The following OR56A3 variants were observed in gnomAD, a reference collection of about 807,000 sequenced individuals.
The protein encoded by OR56A3 is olfactory receptor 56A3.
A neutral mutation model predicts 17.5 loss-of-function variants in OR56A3; 23 were observed. The ratio of observed to expected loss-of-function variants is 1.32; its 90% CI spans 0.95 to 1.87. The LOEUF is 1.87. OR56A3 is among the 40% of genes most tolerant of loss of function. OR56A3 has a pLI of 0.00. For missense variants in OR56A3, 366 were observed against 380.1 expected, an observed-to-expected ratio of 0.96 and a Z score of 0.31; for synonymous variants, 175 against 150.6, an observed-to-expected ratio of 1.16 and a Z score of -1.19.
chr11:5,959,869 T>A, the OR56A3 span, among the ~76,000 whole-genome samples: 3 of 152,196 alleles, frequency 2.0e-5, no homozygotes, highest in South Asian at 6.2e-4. Flanking sequence ...AGGGTCTAAT[T>A]TGATTCTTCT....
chr11:6,012,078 G>A, the OR56A3 span, among the ~76,000 whole-genome samples: 1 of 152,216 alleles, frequency 6.6e-6, no homozygotes, highest in Non-Finnish European at 1.5e-5. Context: ...CACCTGCAAT[G>A]TGGTGAGCAA....
the OR56A3 span, among the ~76,000 whole-genome samples, chr11:5,962,801 G>A: frequency 6.6e-6 from 1 of 152,156 alleles, no homozygotes; most frequent in Admixed American, 6.5e-5. Flanking sequence ...GCCTCCCAAA[G>A]TGCTGGGATT....
chr11:5,969,140 C>A, the OR56A3 span, among the ~76,000 whole-genome samples: 1 of 152,174 alleles, frequency 6.6e-6, no homozygotes, highest in East Asian at 1.9e-4. Context: ...CCATCCTAGA[C>A]ATATTTAATC....
At chr11:5,967,961 C>G in the OR56A3 span, 2,572 of 1,593,938 alleles carry the variant, frequency 1.6e-3, 33 homozygotes, top group African/African-American at 0.031. Context: ...AGATGCAGTT[C>G]TTGATGATGT....
the OR56A3 span, among the ~76,000 whole-genome samples, chr11:5,980,092 G>C: frequency 6.6e-6 from 1 of 152,136 alleles, no homozygotes; most frequent in East Asian, 1.9e-4. Flanking sequence ...ATTGAGAATT[G>C]GTTTATAGCT....
At chr11:6,002,421 G>T in the OR56A3 span, 1 of 1,614,270 alleles carries the variant, frequency 6.2e-7, no homozygotes, top group Non-Finnish European at 8.5e-7. Flanking sequence ...GTCATCACAA[G>T]AGAGTTTGGA....
the OR56A3 span, among the ~76,000 whole-genome samples, chr11:6,013,181 C>A: frequency 3.5e-4 from 54 of 152,370 alleles, no homozygotes; most frequent in African/African-American, 1.2e-3. Context: ...CTGCTGCCTG[C>A]TCCTGGCTCC....
chr11:5,994,624 G>C, the OR56A3 span: 1 of 780,200 alleles, frequency 1.3e-6, no homozygotes, highest in Non-Finnish European at 2.3e-6. Context: ...CATGGATTTC[G>C]CTCTTCACAG....
chr11:5,990,189 T>C, the OR56A3 span, among the ~76,000 whole-genome samples: 8 of 152,198 alleles, frequency 5.3e-5, no homozygotes, highest in Admixed American at 3.9e-4. Context: ...CGGAATCTAG[T>C]GAGTAATCAG....
chr11:5,987,525 C>T, the OR56A3 span, among the ~76,000 whole-genome samples: 3 of 152,030 alleles, frequency 2.0e-5, no homozygotes, highest in African/African-American at 4.8e-5. Context: ...TCCATTTTTC[C>T]ATTTGCTTTA....
intron 2 of OR56A3, among the ~76,000 whole-genome samples, chr11:5,946,661 C>G (rs1847871348): frequency 6.6e-6 from 1 of 151,972 alleles, no homozygotes; most frequent in Non-Finnish European, 1.5e-5. Flanking sequence ...GTTAGGAAGC[C>G]TAAAAATATG....
chr11:6,009,461 T>C, the OR56A3 span, among the ~76,000 whole-genome samples: 1 of 152,216 alleles, frequency 6.6e-6, no homozygotes, highest in Non-Finnish European at 1.5e-5. Context: ...AAAAATCTGA[T>C]TATTGACAAG....
At chr11:5,962,531 C>CTTTTTT in the OR56A3 span, among the ~76,000 whole-genome samples, 1 of 128,412 alleles carries the variant, frequency 7.8e-6, no homozygotes, top group Non-Finnish European at 1.7e-5. Flanking sequence ...CTGGGCTTTT[C>CTTTTTT]TTTTTTTTTT....
the OR56A3 span, among the ~76,000 whole-genome samples, chr11:5,978,737 G>A: frequency 5.9e-5 from 9 of 152,172 alleles, no homozygotes; most frequent in South Asian, 2.1e-4. Context: ...CTCTGTCCAC[G>A]ACTTCCAGTA....
the OR56A3 span, chr11:6,006,453 A>G: frequency 6.6e-6 from 1 of 152,222 alleles, no homozygotes; most frequent in Non-Finnish European, 1.5e-5. Context: ...CTAGGTGTCA[A>G]TGAGCAAAAC....
At chr11:5,976,902 T>C in the OR56A3 span, among the ~76,000 whole-genome samples, 1 of 152,152 alleles carries the variant, frequency 6.6e-6, no homozygotes, top group Non-Finnish European at 1.5e-5. Flanking sequence ...CCAGCGTCTA[T>C]TGTTCTCTTC....
downstream of OR56A3, among the ~76,000 whole-genome samples, chr11:5,953,566 T>C (rs991433042): frequency 1.3e-5 from 2 of 152,178 alleles, no homozygotes; most frequent in African/African-American, 4.8e-5. Context: ...ACACCATTGG[T>C]AGAAGATCAG....
chr11:6,009,047 A>T, the OR56A3 span, among the ~76,000 whole-genome samples: 1 of 152,156 alleles, frequency 6.6e-6, no homozygotes, highest in Admixed American at 6.5e-5. Context: ...CCTAATGAAG[A>T]TATGTTGAAG....
At chr11:5,956,923 G>A in the OR56A3 span, among the ~76,000 whole-genome samples, 11 of 152,242 alleles carry the variant, frequency 7.2e-5, no homozygotes, top group East Asian at 1.9e-4. Context: ...TTGGGAGGCC[G>A]AGGCAGGCAA....
Sources: gnomAD v4.1 joint callset for allele counts (sites outside exome capture counted in the v4.1 genomes callset) on GRCh38, gnomAD v4.1.1 for gene constraint, MANE v1.5 for transcripts, NCBI Gene and HGNC (gene_info 2026-07-23, HGNC 2026-07-21) for gene names.